Variants in RALGAPA2 observed in about 807,000 individuals in gnomAD.
The protein encoded by RALGAPA2 is Ral GTPase activating protein catalytic subunit alpha 2, also known as ral GTPase-activating protein subunit alpha-2.
In RALGAPA2, 139 loss-of-function variants were observed where a neutral mutation model predicts 230.4. That is an observed-to-expected ratio of 0.60 (90% CI 0.53 to 0.69). RALGAPA2 has a LOEUF of 0.69. Ranked by LOEUF, RALGAPA2 falls within the 30% of genes least tolerant of loss-of-function variation. The pLI is 0.00. For synonymous variants in RALGAPA2, 847 were observed against 837.8 expected, an observed-to-expected ratio of 1.01 and a Z score of -0.19; for missense variants, 2,163 against 2,276.0, an observed-to-expected ratio of 0.95 and a Z score of 1.01.
At chr20:20,463,434 G>C (rs1218757171) in intron 37 of RALGAPA2, among the ~76,000 whole-genome samples, 2 of 152,106 alleles carry the variant, frequency 1.3e-5, no homozygotes, top group Non-Finnish European at 2.9e-5. Flanking sequence ...GAAAACAAAG[G>C]AGCCGTGTGA....
chr20:20,513,223 C>T lies in RALGAPA2; in HGVS notation c.4146G>A (p.Leu1382=), dbSNP rs1463545504. 5.3e-6 allele frequency: 8 copies of T among 1,514,004 alleles called. No individual in the cohort carries two copies. Among genetic ancestry groups the T allele is most frequent in the Non-Finnish European group, 6.2e-6 (7 of 1,133,512 alleles). The allele number at this position is 1,514,004 out of a possible 1,614,324, so 93.8% of individuals were successfully genotyped here. A position where few individuals can be genotyped will look rare whatever the true frequency, so the allele number is the denominator to read the frequency against. Residue 1382 remains leucine (L), a synonymous_variant, in exon 32 of 40, where the codon CTG becomes CTA. Coordinates refer to ENST00000202677, the MANE Select transcript of RALGAPA2 (RefSeq NM_020343.4). ...PLTARMVMAH[L]VNHLGHYPLS... is the part of the protein sequence containing the mutation. ...GGGGGTAGTGCCCCAGGTGGTTCACCAGGTGGGCCATCACCATTCGAGCAG... is the reference window on the plus strand; with the variant it reads ...GGGGGTAGTGCCCCAGGTGGTTCACTAGGTGGGCCATCACCATTCGAGCAG...
Position 20,523,126 on chromosome 20 carries a change from C to T in RALGAPA2, c.3900+1280G>A, listed in dbSNP as rs16981951. On this transcript the variant is annotated intron_variant, in intron 30 of 39. Coordinates refer to ENST00000202677, the MANE Select transcript of RALGAPA2 (RefSeq NM_020343.4). ...CTTTTTTATTATTAAAGGTTTCTTACTAAAAGAATAAACCACAGAATTTTC... is the reference window on the plus strand; with the variant it reads ...CTTTTTTATTATTAAAGGTTTCTTATTAAAAGAATAAACCACAGAATTTTC... Among the ~76,000 whole-genome samples, 1,184 of 152,018 alleles carry T rather than the reference C, an allele frequency of 7.8e-3. 12 individuals are homozygous for T. The highest frequency in any genetic ancestry group is 0.027 in the African/African-American group (1,125 of 41,480).
intron 18 of RALGAPA2, among the ~76,000 whole-genome samples, chr20:20,586,242 A>G (rs910933552): frequency 6.6e-6 from 1 of 152,202 alleles, no homozygotes; most frequent in Non-Finnish European, 1.5e-5. Flanking sequence ...TCAACCCTTA[A>G]AAGTGAGCAG....
At chr20:20,689,253 T>C (rs1007304186) in intron 1 of RALGAPA2, among the ~76,000 whole-genome samples, 2 of 152,204 alleles carry the variant, frequency 1.3e-5, no homozygotes, top group African/African-American at 4.8e-5. Flanking sequence ...ATTATCACCA[T>C]CATATTTGTT....
chr20:20,546,707 C>G lies in RALGAPA2; in HGVS notation c.3282G>C (p.Leu1094Phe). The G allele has an allele frequency of 1.3e-6, 2 of 1,596,800 alleles. No individual in the cohort carries two copies. Among genetic ancestry groups the G allele is most frequent in the Non-Finnish European group, 1.7e-6 (2 of 1,174,816 alleles). The change falls in exon 24 of 40, where the codon TTG (leucine) becomes TTC (phenylalanine). Residue 1094 changes from leucine to phenylalanine, a missense_variant. Physicochemically the swap from Leu to Phe is conservative, Grantham distance 22 (BLOSUM62 0). Transcript: ENST00000202677. ...AAARVLSTDI[L>F]TAPRSEAVTV... is the part of the protein sequence containing the mutation. Reference sequence around the variant, plus strand: ...TGCTGAGCATTGTCATACTCACCGTCAAAATGTCTGTGCTAAGGACCCTGG... The same window carrying G: ...TGCTGAGCATTGTCATACTCACCGTGAAAATGTCTGTGCTAAGGACCCTGG...
In RALGAPA2 at chr20:20,412,100, G is replaced by A. The variant is rs199791929; in HGVS notation, c.5544C>T (p.Arg1848=). The A allele has an allele frequency of 1.4e-3, 2,249 of 1,613,914 alleles. 4 individuals are homozygous for A. The highest frequency in any genetic ancestry group is 1.7e-3 in the Non-Finnish European group (2,045 of 1,179,870). Residue 1848 remains arginine, a synonymous_variant, in exon 38 of 40, where the codon CGC becomes CGT. Coordinates refer to ENST00000202677, the MANE Select transcript of RALGAPA2 (RefSeq NM_020343.4). Reference sequence around the variant, plus strand: ...CGAAATCCTCGAATGTCATTACTTCGCGGTGGTTCTGAATTATTGCTTCGA... The same window carrying A: ...CGAAATCCTCGAATGTCATTACTTCACGGTGGTTCTGAATTATTGCTTCGA... ...LYLEAIIQNH[R]EVMTFEDFAA...
Position 20,512,954 on chromosome 20 carries a change from C to G in RALGAPA2, c.4415G>C (p.Trp1472Ser), listed in dbSNP as rs1201593915. 5.6e-6 allele frequency: 9 copies of G among 1,613,702 alleles called. No individual in the cohort carries two copies. Among genetic ancestry groups the G allele is most frequent in the Non-Finnish European group, 7.6e-6 (9 of 1,179,634 alleles). Residue 1472 changes from tryptophan to serine, a missense_variant, in exon 32 of 40, where the codon TGG (tryptophan) becomes TCG (serine). Physicochemically the swap from Trp to Ser is radical, Grantham distance 177. Transcript: ENST00000202677. ...AGGTCCATATAAAACCTTACCATCC[C>G]AAGAGTACTTCCCTGAGATATCCCT... ...IVRDISGKYSWDGKVLYGPLE... is the reference protein window; with the variant it reads ...IVRDISGKYSSDGKVLYGPLE...
At position 20,635,436 on chromosome 20, in the gene RALGAPA2, TAC is replaced by T; in HGVS notation, c.985_986del (p.Val329IlefsTer3). 6.2e-7 allele frequency: 1 copy of T among 1,600,484 alleles called. No individual in the cohort carries two copies. Among genetic ancestry groups the T allele is most frequent in the Non-Finnish European group, 8.5e-7 (1 of 1,174,964 alleles). On this transcript the variant is annotated frameshift_variant, in exon 9 of 40. Coordinates refer to ENST00000202677, the MANE Select transcript of RALGAPA2 (RefSeq NM_020343.4). LOFTEE classifies it high-confidence loss of function. ...ATQNTKNGVD[V>X]LPKIIQTVGG... ...GGCATACCTGGATGATTTTAGGCAA[TAC>T]ATCAACTCCATTTTTAGTGTTTTGT...
At chr20:20,680,256 C>T (rs2068472224) in intron 2 of RALGAPA2, among the ~76,000 whole-genome samples, 3 of 152,148 alleles carry the variant, frequency 2.0e-5, no homozygotes, top group Admixed American at 2.0e-4. Flanking sequence ...AATATAGTCA[C>T]AAACATATAT....
At chr20:20,607,904 A>T (rs1398147694) in intron 14 of RALGAPA2, among the ~76,000 whole-genome samples, 1 of 152,188 alleles carries the variant, frequency 6.6e-6, no homozygotes, top group Non-Finnish European at 1.5e-5. Flanking sequence ...CACAGAGCAA[A>T]ATGGTAAAAT....
At chr20:20,629,658 G>T in intron 9 of RALGAPA2, 68 bp from the exon 10 acceptor site, 1 of 1,517,226 alleles carries the variant, frequency 6.6e-7, no homozygotes, top group Non-Finnish European at 9.1e-7. Context: ...CAAAACTTCA[G>T]TCTTGCCTTG....
At chr20:20,640,485 A>G (rs1379932079) in intron 6 of RALGAPA2, among the ~76,000 whole-genome samples, 1 of 152,184 alleles carries the variant, frequency 6.6e-6, no homozygotes, top group Non-Finnish European at 1.5e-5. Flanking sequence ...TCCTGCTTCC[A>G]TCACTTCAGT....
At chr20:20,623,669 A>G (rs1443994430) in intron 10 of RALGAPA2, among the ~76,000 whole-genome samples, 1 of 152,128 alleles carries the variant, frequency 6.6e-6, no homozygotes. Context: ...AGGTGCATTC[A>G]GGATAATTTC....
chr20:20,706,629 G>C (rs73298839), intron 1 of RALGAPA2, among the ~76,000 whole-genome samples: 1,699 of 152,234 alleles, frequency 0.011, 30 homozygotes, highest in African/African-American at 0.039. Flanking sequence ...CTAGAAAAAT[G>C]CAGAAAAATG....
chr20:20,530,802 A>C (rs545608620), intron 27 of RALGAPA2, among the ~76,000 whole-genome samples: 1 of 152,292 alleles, frequency 6.6e-6, no homozygotes, highest in African/African-American at 2.4e-5. Flanking sequence ...CCTGCACCTC[A>C]GTTCCTCCAC....
chr20:20,483,699 C>T (rs1415948944), intron 36 of RALGAPA2, among the ~76,000 whole-genome samples: 1 of 152,218 alleles, frequency 6.6e-6, no homozygotes, highest in Non-Finnish European at 1.5e-5. Flanking sequence ...GGAAACAGAA[C>T]TTCTTGAGGG....
chr20:20,483,511 G>A lies in RALGAPA2; in HGVS notation c.5368-10555C>T, dbSNP rs185892550. On this transcript the variant is annotated intron_variant, in intron 36 of 39. Coordinates refer to ENST00000202677, the MANE Select transcript of RALGAPA2 (RefSeq NM_020343.4). ...AAGCTTGGCCCCAGCTGCTCCACAG[G>A]TAAAATTTCCTCATCACTAAGGCAT... Among the ~76,000 whole-genome samples the A allele has an allele frequency of 1.1e-3, 162 of 152,188 alleles. 1 individual carries two copies. Among genetic ancestry groups the A allele is most frequent in the African/African-American group, 3.7e-3 (154 of 41,530 alleles).
At chr20:20,442,971 C>T (rs189025905) in intron 37 of RALGAPA2, among the ~76,000 whole-genome samples, 13 of 152,250 alleles carry the variant, frequency 8.5e-5, no homozygotes, top group Admixed American at 2.0e-4. Context: ...ACAAAAGATA[C>T]GCTAGCATAG....
chr20:20,592,516 C>T (rs909757721), intron 16 of RALGAPA2, among the ~76,000 whole-genome samples: 1 of 152,218 alleles, frequency 6.6e-6, no homozygotes, highest in Admixed American at 6.5e-5. Flanking sequence ...AGCCCCATTG[C>T]TCTGTTTCTC....
Sources: allele counts gnomAD v4.1 joint callset (sites outside exome capture counted in the v4.1 genomes callset), GRCh38; gene constraint gnomAD v4.1.1; transcripts MANE v1.5; gene names NCBI Gene and HGNC (gene_info 2026-07-23, HGNC 2026-07-21).